Variants in STXBP5L observed in about 807,000 individuals in gnomAD.
STXBP5L encodes syntaxin-binding protein 5-like.
Under a neutral mutation model 144.5 loss-of-function variants are expected in STXBP5L, and 65 were observed. The observed-to-expected ratio is 0.45, with a 90% CI of 0.37 to 0.55. The LOEUF (loss-of-function observed/expected upper bound fraction) is 0.55. Among genes scored for constraint, STXBP5L ranks in the 20% least tolerant of loss-of-function variants. The pLI is 0.00. For synonymous variants in STXBP5L, 505 were observed against 469.6 expected (o/e 1.08, Z -0.97); for missense variants, 1,298 against 1,405.5 (o/e 0.92, Z 1.22).
rs762657746 is a variant in STXBP5L, at chr3:121,420,788, ATTT to A, written c.*1694_*1696del. 3 of 152,084 alleles carry A rather than the reference ATTT, an allele frequency of 2.0e-5. No homozygotes were observed. Among genetic ancestry groups the A allele is most frequent in the Non-Finnish European group, 4.4e-5 (3 of 67,966 alleles). 9.4% of individuals were successfully genotyped at this position (152,084 alleles called of 1,614,324 possible). A position where few individuals can be genotyped will look rare whatever the true frequency, so the allele number is the denominator to read the frequency against. ...GTTATTTTATTAGCCAAAAAATCGT[ATTT>A]TTATTTCCTTTTTAGTCTAATTTTT... On this transcript the variant is annotated 3_prime_UTR_variant, in exon 27 of 27. Coordinates refer to ENST00000471454, the MANE Select transcript of STXBP5L (RefSeq NM_001308330.2).
At chr3:120,967,164 A>G (rs985661105) in intron 3 of STXBP5L, among the ~76,000 whole-genome samples, 4 of 152,074 alleles carry the variant, frequency 2.6e-5, no homozygotes, top group South Asian at 2.1e-4. Flanking sequence ...AAAGTGCAGT[A>G]TTTGGTCGGG....
At chr3:121,303,026 T>C (rs1305549601) in intron 19 of STXBP5L, among the ~76,000 whole-genome samples, 6 of 152,112 alleles carry the variant, frequency 3.9e-5, no homozygotes, top group African/African-American at 1.2e-4. Context: ...CCAAAATTGA[T>C]AAATGGGATC....
intron 2 of STXBP5L, among the ~76,000 whole-genome samples, chr3:120,951,909 T>C (rs970897027): frequency 6.6e-6 from 1 of 152,002 alleles, no homozygotes; most frequent in Non-Finnish European, 1.5e-5. Flanking sequence ...CCAATCCAAA[T>C]GTCCAACAAT....
At chr3:121,404,677 G>A (rs902825942) in intron 22 of STXBP5L, among the ~76,000 whole-genome samples, 2 of 152,114 alleles carry the variant, frequency 1.3e-5, no homozygotes, top group Non-Finnish European at 2.9e-5. Flanking sequence ...AGCTAATAAA[G>A]TTAGGTTGCC....
At chr3:121,360,689 TAA>T (rs955540358) in intron 20 of STXBP5L, among the ~76,000 whole-genome samples, 35 of 152,246 alleles carry the variant, frequency 2.3e-4, no homozygotes, top group Admixed American at 1.2e-3. Context: ...AAACTCACCT[TAA>T]GTTTGTCCTC....
At chr3:120,960,471 G>A (rs1034469453) in intron 3 of STXBP5L, among the ~76,000 whole-genome samples, 48 of 152,316 alleles carry the variant, frequency 3.2e-4, no homozygotes, top group African/African-American at 1.1e-3. Context: ...TATGTTTATT[G>A]TGGCACTATT....
chr3:120,923,530 G>T (rs1709458522), intron 2 of STXBP5L, among the ~76,000 whole-genome samples: 1 of 151,460 alleles, frequency 6.6e-6, no homozygotes, highest in African/African-American at 2.4e-5. Flanking sequence ...TCAGTATATT[G>T]TATTTCCATT....
At chr3:121,186,121 T>G (rs2047371746) in intron 9 of STXBP5L, among the ~76,000 whole-genome samples, 1 of 152,222 alleles carries the variant, frequency 6.6e-6, no homozygotes, top group Non-Finnish European at 1.5e-5. Flanking sequence ...TGTATAAGAA[T>G]GCTTGTGATT....
intron 20 of STXBP5L, among the ~76,000 whole-genome samples, chr3:121,352,282 C>T (rs1451121965): frequency 6.6e-6 from 1 of 152,078 alleles, no homozygotes; most frequent in African/African-American, 2.4e-5. Flanking sequence ...GGCAGTATGG[C>T]CATTTTCACG....
At chr3:121,387,033 C>G (rs1238814878) in intron 22 of STXBP5L, among the ~76,000 whole-genome samples, 2 of 152,076 alleles carry the variant, frequency 1.3e-5, no homozygotes, top group African/African-American at 4.8e-5. Flanking sequence ...AGTGTAAAAG[C>G]ATTCCTATTT....
intron 2 of STXBP5L, among the ~76,000 whole-genome samples, chr3:120,916,539 G>C (rs1709111426): frequency 6.6e-6 from 1 of 152,090 alleles, no homozygotes; most frequent in South Asian, 2.1e-4. Context: ...GACCTCAGGT[G>C]ATCCGCCCAC....
At chr3:120,976,218 C>T (rs1214112026) in intron 3 of STXBP5L, among the ~76,000 whole-genome samples, 2 of 152,208 alleles carry the variant, frequency 1.3e-5, no homozygotes, top group Non-Finnish European at 2.9e-5. Context: ...GCCACAGTTT[C>T]AGAGCCTGTT....
chr3:120,954,374 C>T (rs1335684141), intron 2 of STXBP5L, among the ~76,000 whole-genome samples: 1 of 151,992 alleles, frequency 6.6e-6, no homozygotes, highest in Non-Finnish European at 1.5e-5. Context: ...ATATTCCTTC[C>T]CAATCAATAA....
At chr3:121,201,269 T>C (rs921763236) in intron 9 of STXBP5L, among the ~76,000 whole-genome samples, 1 of 152,246 alleles carries the variant, frequency 6.6e-6, no homozygotes, top group South Asian at 2.1e-4. Context: ...CATTATGTAA[T>C]GTCCTTCTTT....
At chr3:121,301,495 G>A (rs2051905009) in intron 19 of STXBP5L, among the ~76,000 whole-genome samples, 1 of 151,948 alleles carries the variant, frequency 6.6e-6, no homozygotes, top group Admixed American at 6.6e-5. Context: ...CTGCAAACAG[G>A]GGCAATTTGA....
At chr3:121,384,336 A>G (rs1282812539) in intron 22 of STXBP5L, among the ~76,000 whole-genome samples, 1 of 152,086 alleles carries the variant, frequency 6.6e-6, no homozygotes, top group Non-Finnish European at 1.5e-5. Context: ...AAGTTGGACA[A>G]GTTTGGGAGG....
intron 14 of STXBP5L, among the ~76,000 whole-genome samples, chr3:121,245,397 G>A (rs535441847): frequency 3.3e-4 from 49 of 148,354 alleles, no homozygotes; most frequent in Non-Finnish European, 2.8e-4. Context: ...AGAAAAGAAA[G>A]TCAAAATAAC....
chr3:121,023,910 C>T (rs1169754988), intron 3 of STXBP5L, among the ~76,000 whole-genome samples: 1 of 152,038 alleles, frequency 6.6e-6, no homozygotes, highest in Non-Finnish European at 1.5e-5. Flanking sequence ...TGCCCACCAC[C>T]ACCCCCAGCT....
At chr3:121,158,434 T>C (rs1194293162) in intron 9 of STXBP5L, 1 of 152,206 alleles carries the variant, frequency 6.6e-6, no homozygotes, top group African/African-American at 2.4e-5. Flanking sequence ...GGGTGACCCA[T>C]AGATCACAAG....
Sources: allele counts gnomAD v4.1 joint callset (sites outside exome capture counted in the v4.1 genomes callset), GRCh38; gene constraint gnomAD v4.1.1; transcripts MANE v1.5; gene names NCBI Gene and HGNC (gene_info 2026-07-23, HGNC 2026-07-21).